Variants in TEK observed in about 807,000 individuals in gnomAD.
TEK encodes the protein angiopoietin-1 receptor.
A neutral mutation model predicts 131.8 loss-of-function variants in TEK; 43 were observed. The observed-to-expected ratio is 0.33, with a 90% confidence interval of 0.26 to 0.42. The LOEUF (loss-of-function observed/expected upper bound fraction) is 0.42, where lower values mean the gene tolerates loss of function less well. Ranked by LOEUF, TEK falls within the 10% of genes least tolerant of loss-of-function variation. TEK has a pLI of 1.00. For missense variants in TEK, 1,162 were observed against 1,384.4 expected, an observed-to-expected ratio of 0.84 and a Z score of 2.55; for synonymous variants, 580 against 491.6, an observed-to-expected ratio of 1.18 and a Z score of -2.38.
Position 27,220,053 on chromosome 9 carries a change from C to A in TEK, c.3108C>A (p.Gly1036=), listed in dbSNP as rs757654404. 2.5e-6 allele frequency: 4 copies of A among 1,613,942 alleles called. No individual in the cohort carries two copies. The African/African-American group carries it at 5.3e-5, about 22-fold the overall frequency. The stretch of plus-strand genomic sequence containing the variant: ...GTGGCACTGTTTGTCTTCCAGGAGG[C>A]ACACCCTACTGCGGGATGACTTGTG... ...VLLWEIVSLG[G]TPYCGMTCAE... The change falls in exon 21 of 23, where the codon GGC becomes GGA. Residue 1036 remains glycine (G), a synonymous_variant. Transcript: ENST00000380036.
At chr9:27,109,732 G>A (rs369161972) in intron 1 of TEK, 90 bp downstream of exon 1, 1 of 1,308,948 alleles carries the variant, frequency 7.6e-7, no homozygotes, top group Non-Finnish European at 1.1e-6. Flanking sequence ...CATCAGTGCT[G>A]ATGAACAAGG....
At chr9:27,210,996 C>A (rs1185376190) in intron 16 of TEK, among the ~76,000 whole-genome samples, 1 of 152,024 alleles carries the variant, frequency 6.6e-6, no homozygotes, top group Non-Finnish European at 1.5e-5. Flanking sequence ...GTGGCGCATG[C>A]CTGTAGTCCC....
intron 1 of TEK, among the ~76,000 whole-genome samples, chr9:27,135,887 G>A (rs79811978): frequency 6.6e-6 from 1 of 152,188 alleles, no homozygotes; most frequent in South Asian, 2.1e-4. Context: ...AAGACTAAAT[G>A]TGCAGAGCCC....
At chr9:27,219,958 TCCTCCTGGCC>T (rs780473123) in intron 20 of TEK, 81 bp from the exon 21 acceptor site, 12 of 1,336,612 alleles carry the variant, frequency 9.0e-6, no homozygotes, top group Non-Finnish European at 1.3e-5. Flanking sequence ...TACCATGTCT[TCCTCCTGGCC>T]CCTTATATTT....
intron 11 of TEK, 26 bp from the exon 12 acceptor site, chr9:27,197,289 A>G: frequency 6.2e-7 from 1 of 1,612,026 alleles, no homozygotes. Context: ...ATATATAAAA[A>G]TAATGATTTT....
chr9:27,221,501 G>A (rs1434730997), intron 21 of TEK, among the ~76,000 whole-genome samples: 2 of 152,156 alleles, frequency 1.3e-5, no homozygotes, highest in Non-Finnish European at 2.9e-5. Context: ...CCCAGTAGGG[G>A]TCGACAGGAC....
chr9:27,222,721 A>G (rs1433678816), intron 21 of TEK, among the ~76,000 whole-genome samples: 3 of 152,176 alleles, frequency 2.0e-5, no homozygotes, highest in East Asian at 3.8e-4. Context: ...AGCACTCAAC[A>G]TGGAAAGGAA....
chr9:27,133,631 T>G (rs1822307639), intron 1 of TEK, among the ~76,000 whole-genome samples: 1 of 152,178 alleles, frequency 6.6e-6, no homozygotes, highest in Non-Finnish European at 1.5e-5. Context: ...TCCTATTAGA[T>G]TGCAGGCTAG....
chr9:27,158,001 A>T lies in TEK; in HGVS notation c.223A>T (p.Thr75Ser). 1.2e-6 allele frequency: 2 copies of T among 1,614,132 alleles called. No individual in the cohort carries two copies. Among genetic ancestry groups the T allele is most frequent in the Non-Finnish European group, 1.7e-6 (2 of 1,180,016 alleles). The change falls in exon 2 of 23, where the codon ACT becomes TCT. Residue 75 changes from threonine to serine, a missense_variant. Thr to Ser is a moderately conservative substitution (Grantham distance 58). Around this residue, in one of 6 missense-constraint regions of TEK, gnomAD observed 436 missense variants for 539.1 expected, o/e 0.81. Transcript: ENST00000380036. The stretch of plus-strand genomic sequence containing the variant: ...CCAGCACCAGGATCCGCTGGAAGTT[A>T]CTCAAGATGTGACCAGAGAATGGGC... ...MNQHQDPLEV[T>S]QDVTREWAKK...
rs991758069 is a variant in TEK at position 27,158,051 on chromosome 9, A to G, written c.273A>G (p.Glu91=). The G allele has an allele frequency of 3.7e-6, 6 of 1,614,036 alleles. No individual in the cohort carries two copies. In the Admixed American group the frequency reaches 5.0e-5, roughly 13 times the overall value. ...EWAKKVVWKR[E]KASKINGAYF... ...CTAAAAAAGTTGTTTGGAAGAGAGA[A>G]AAGGCTAGTAAGATCAATGGTGCTT... Residue 91 remains glutamate, a synonymous_variant, in exon 2 of 23, where the codon GAA becomes GAG. Transcript: ENST00000380036.
chr9:27,212,311 G>A (rs1323545181), intron 16 of TEK, among the ~76,000 whole-genome samples: 1 of 152,132 alleles, frequency 6.6e-6, no homozygotes, highest in Non-Finnish European at 1.5e-5. Context: ...AACATGCCTG[G>A]CTCATGTTAC....
At chr9:27,152,585 A>C (rs1160299509) in intron 1 of TEK, among the ~76,000 whole-genome samples, 1 of 135,788 alleles carries the variant, frequency 7.4e-6, no homozygotes, top group Admixed American at 7.7e-5. Context: ...AAAATCTTAT[A>C]TGAAGCCCCC....
chr9:27,186,882 G>C (rs539188876), intron 9 of TEK, among the ~76,000 whole-genome samples: 1 of 152,154 alleles, frequency 6.6e-6, no homozygotes, highest in Admixed American at 6.5e-5. Flanking sequence ...CCATAGATTT[G>C]GATTCTGTGC....
chr9:27,203,327 T>A (rs1825288528), intron 13 of TEK, among the ~76,000 whole-genome samples: 1 of 152,128 alleles, frequency 6.6e-6, no homozygotes, highest in Non-Finnish European at 1.5e-5. Flanking sequence ...AATAGATCAG[T>A]CTATCAGCAT....
intron 1 of TEK, among the ~76,000 whole-genome samples, chr9:27,121,951 C>G (rs1234254740): frequency 6.6e-6 from 1 of 152,182 alleles, no homozygotes; most frequent in African/African-American, 2.4e-5. Flanking sequence ...AGTGATCGAC[C>G]TGTCTCAAAG....
chr9:27,117,425 C>T (rs1252154826), intron 1 of TEK, among the ~76,000 whole-genome samples: 2 of 152,186 alleles, frequency 1.3e-5, no homozygotes, highest in African/African-American at 4.8e-5. Flanking sequence ...GATTCCTTAA[C>T]TCGTGTTACA....
chr9:27,128,818 CA>C (rs1403915911), intron 1 of TEK, among the ~76,000 whole-genome samples: 2 of 152,162 alleles, frequency 1.3e-5, no homozygotes, highest in Non-Finnish European at 2.9e-5. Flanking sequence ...GATTTTTGCA[CA>C]TTGATTTTCT....
At position 27,121,491 on chromosome 9, in the gene TEK, A is replaced by G. The variant is rs1821788173; in HGVS notation, c.52+11849A>G. ...TTATAAATATATTTTATAAATTTAT[A>G]TACATATTTTATTTGTATACATATG... On this transcript the variant is annotated intron_variant, in intron 1 of 22. Coordinates refer to ENST00000380036, the MANE Select transcript of TEK (RefSeq NM_000459.5). Among the ~76,000 whole-genome samples the G allele has an allele frequency of 4.7e-5, 7 of 149,062 alleles. No individual in the cohort carries two copies. In the Admixed American group the frequency reaches 4.7e-4, roughly 10 times the overall value.
At chr9:27,164,362 G>C (rs1255407472) in intron 2 of TEK, among the ~76,000 whole-genome samples, 9 of 142,602 alleles carry the variant, frequency 6.3e-5, no homozygotes, top group African/African-American at 2.3e-4. Flanking sequence ...CTCTGTCACT[G>C]AGGCTGGAGT....
Sources: allele counts gnomAD v4.1 joint callset (sites outside exome capture counted in the v4.1 genomes callset), GRCh38; gene constraint gnomAD v4.1.1; regional missense constraint gnomAD v4.1.1; transcripts MANE v1.5; gene names NCBI Gene and HGNC (gene_info 2026-07-23, HGNC 2026-07-21).